Variants in WDR7 observed in about 807,000 individuals in gnomAD.
WDR7 encodes the protein WD repeat-containing protein 7.
A neutral mutation model predicts 169.4 loss-of-function variants in WDR7; 46 were observed. The observed-to-expected ratio is 0.27, with a 90% CI of 0.21 to 0.35. The LOEUF is 0.35. Ranked by LOEUF, WDR7 falls within the 10% of genes least tolerant of loss-of-function variation. The probability of loss-of-function intolerance (pLI) is 1.00; values close to 1 mark genes in which losing one functional copy is unlikely to be tolerated. For missense variants in WDR7, 1,534 were observed against 1,859.3 expected, an observed-to-expected ratio of 0.83 and a Z score of 3.22; for synonymous variants, 612 against 666.8, an observed-to-expected ratio of 0.92 and a Z score of 1.27.
intron 14 of WDR7, among the ~76,000 whole-genome samples, chr18:56,733,940 A>G (rs1337281526): frequency 6.6e-6 from 1 of 151,944 alleles, no homozygotes; most frequent in East Asian, 1.9e-4. Flanking sequence ...TGCAATAACT[A>G]TGTGTTGAAT....
At chr18:56,671,785 AATG>A (rs139081752) in intron 1 of WDR7, among the ~76,000 whole-genome samples, 4,846 of 152,260 alleles carry the variant, frequency 0.032, 250 homozygotes, top group African/African-American at 0.11. Flanking sequence ...ATGAAATAGG[AATG>A]ATAATAGTGT....
chr18:56,895,373 G>C (rs537840137), intron 21 of WDR7, among the ~76,000 whole-genome samples: 11 of 151,952 alleles, frequency 7.2e-5, no homozygotes, highest in Admixed American at 3.3e-4. Flanking sequence ...AAGGCTACAG[G>C]TAGGCATTTT....
chr18:57,015,142 G>A (rs1451323881), intron 26 of WDR7, among the ~76,000 whole-genome samples: 2 of 152,206 alleles, frequency 1.3e-5, no homozygotes, highest in Non-Finnish European at 2.9e-5. Flanking sequence ...TCATCTGTCT[G>A]ACCTGCTTCA....
chr18:56,770,986 A>C (rs80245651), intron 16 of WDR7, among the ~76,000 whole-genome samples: 2,006 of 152,232 alleles, frequency 0.013, 21 homozygotes, highest in East Asian at 0.032. Flanking sequence ...AACATGACTA[A>C]ATATATTTAC....
At chr18:56,963,424 AT>A (rs1278129099) in intron 26 of WDR7, among the ~76,000 whole-genome samples, 2 of 152,210 alleles carry the variant, frequency 1.3e-5, no homozygotes, top group Non-Finnish European at 2.9e-5. Flanking sequence ...TGTCTGTTAA[AT>A]TTAATGAACT....
chr18:57,023,321 G>GTAATA (rs965741349), intron 27 of WDR7, among the ~76,000 whole-genome samples: 3 of 152,174 alleles, frequency 2.0e-5, no homozygotes, highest in Non-Finnish European at 4.4e-5. Flanking sequence ...TAAGTGTACT[G>GTAATA]TAATATATTT....
chr18:57,019,367 C>T (rs193183312), intron 26 of WDR7, among the ~76,000 whole-genome samples: 5 of 152,258 alleles, frequency 3.3e-5, no homozygotes, highest in South Asian at 4.2e-4. Flanking sequence ...TCCTACTTTA[C>T]AAACATGGGT....
At chr18:56,924,694 G>C (rs1021732047) in intron 22 of WDR7, among the ~76,000 whole-genome samples, 2 of 152,214 alleles carry the variant, frequency 1.3e-5, no homozygotes, top group African/African-American at 4.8e-5. Context: ...GGGGCAGGGG[G>C]TCCTATTGGT....
chr18:57,021,858 A>G (rs2048296727), intron 27 of WDR7, among the ~76,000 whole-genome samples: 1 of 152,238 alleles, frequency 6.6e-6, no homozygotes, highest in Non-Finnish European at 1.5e-5. Flanking sequence ...AGGCTTCAGC[A>G]TAACTGGGTG....
chr18:56,670,574 G>A (rs1262102309), intron 1 of WDR7, among the ~76,000 whole-genome samples: 2 of 152,036 alleles, frequency 1.3e-5, no homozygotes, highest in Non-Finnish European at 2.9e-5. Context: ...GCAGTGGCGC[G>A]ATCTCGGCTC....
chr18:56,971,040 G>A (rs1360135629), intron 26 of WDR7, among the ~76,000 whole-genome samples: 2 of 152,178 alleles, frequency 1.3e-5, no homozygotes, highest in East Asian at 3.9e-4. Flanking sequence ...GGGAGGCCAA[G>A]GCAGGCGGAT....
chr18:56,938,433 AT>A (rs2046987773), intron 23 of WDR7, 99 bp from the exon 24 acceptor site: 1 of 1,441,090 alleles, frequency 6.9e-7, no homozygotes, highest in Non-Finnish European at 9.2e-7. Flanking sequence ...CAAGAAGTTT[AT>A]TTTTTTCTAT....
At chr18:56,910,193 G>A (rs2046534016) in intron 21 of WDR7, among the ~76,000 whole-genome samples, 1 of 152,176 alleles carries the variant, frequency 6.6e-6, no homozygotes, top group Non-Finnish European at 1.5e-5. Context: ...GAACAGGAGT[G>A]TAGTGTTATA....
At chr18:56,886,990 A>G (rs1216556926) in intron 21 of WDR7, among the ~76,000 whole-genome samples, 1 of 152,158 alleles carries the variant, frequency 6.6e-6, no homozygotes, top group Non-Finnish European at 1.5e-5. Context: ...TTACTACTAG[A>G]ACTAAGAAAT....
intron 26 of WDR7, among the ~76,000 whole-genome samples, chr18:56,992,953 G>A (rs895586076): frequency 1.3e-5 from 2 of 152,162 alleles, no homozygotes; most frequent in African/African-American, 4.8e-5. Context: ...GATAGATAAT[G>A]ATCCTTGCTG....
intron 20 of WDR7, among the ~76,000 whole-genome samples, chr18:56,855,806 T>G (rs147185124): frequency 6.6e-6 from 1 of 152,322 alleles, no homozygotes; most frequent in Non-Finnish European, 1.5e-5. Context: ...CTAATACATT[T>G]TGTAGATAAA....
At chr18:56,748,810 TCA>T (rs1236288816) in intron 14 of WDR7, among the ~76,000 whole-genome samples, 1 of 152,102 alleles carries the variant, frequency 6.6e-6, no homozygotes, top group Non-Finnish European at 1.5e-5. Context: ...CTGATGAAAC[TCA>T]CTTGTATTAT....
At chr18:56,687,820 G>T (rs1174388650) in intron 7 of WDR7, among the ~76,000 whole-genome samples, 1 of 152,056 alleles carries the variant, frequency 6.6e-6, no homozygotes, top group African/African-American at 2.4e-5. Flanking sequence ...TAGAGATGGG[G>T]TCTCACCCTG....
intron 21 of WDR7, among the ~76,000 whole-genome samples, chr18:56,919,278 G>A (rs1481322367): frequency 6.6e-6 from 1 of 152,158 alleles, no homozygotes; most frequent in African/African-American, 2.4e-5. Flanking sequence ...CTTAAAAGGA[G>A]CTGGACTTAA....
Sources: allele counts gnomAD v4.1 joint callset (sites outside exome capture counted in the v4.1 genomes callset), GRCh38; gene constraint gnomAD v4.1.1; transcripts MANE v1.5; gene names NCBI Gene and HGNC (gene_info 2026-07-23, HGNC 2026-07-21).